The following MAF variants were observed in gnomAD, a reference collection of about 807,000 sequenced individuals.
MAF encodes the protein transcription factor Maf.
A neutral mutation model predicts 22.0 loss-of-function variants in MAF; 10 were observed. The ratio of observed to expected loss-of-function variants is 0.45; its 90% CI spans 0.28 to 0.77. The LOEUF (loss-of-function observed/expected upper bound fraction) is 0.77, where lower values mean the gene tolerates loss of function less well. MAF is among the 30% of genes least tolerant of loss of function. The probability of loss-of-function intolerance (pLI) is 0.12; values close to 1 mark genes in which losing one functional copy is unlikely to be tolerated. For missense variants in MAF, 544 were observed against 548.4 expected (o/e 0.99, Z 0.08); for synonymous variants, 337 against 255.8 (o/e 1.32, Z -3.03).
the MAF span, among the ~76,000 whole-genome samples, chr16:79,236,875 C>T: frequency 0.025 from 3,740 of 150,322 alleles, 94 homozygotes; most frequent in Non-Finnish European, 0.035. Context: ...AGGGAGCATG[C>T]GAGGACATTT....
the MAF span, among the ~76,000 whole-genome samples, chr16:79,244,583 GA>G: frequency 1.3e-5 from 2 of 152,044 alleles, no homozygotes; most frequent in African/African-American, 4.8e-5. Context: ...CAAACAAATG[GA>G]AAAATATTCC....
chr16:79,544,015 G>A, the MAF span, among the ~76,000 whole-genome samples: 1 of 152,146 alleles, frequency 6.6e-6, no homozygotes, highest in Admixed American at 6.5e-5. Context: ...CCAAGGTAGA[G>A]AGACAGACAC....
At chr16:79,396,292 G>A in the MAF span, among the ~76,000 whole-genome samples, 1 of 152,170 alleles carries the variant, frequency 6.6e-6, no homozygotes, top group Non-Finnish European at 1.5e-5. Flanking sequence ...GTGAGTCACT[G>A]CAGCTTTTAA....
chr16:79,599,306 C>A lies in MAF; in HGVS notation c.597G>T (p.Ala199=). The change falls in exon 1 of 2, where the codon GCG becomes GCT. Residue 199 remains alanine (A), a synonymous_variant. Transcript: ENST00000326043. ...CGGCCGCGCTGCCCGCGGCGCCGGG[C>A]GCGCCGGCCGTCGGGTGGTGGTGGT... ...AGHHHHPTAG[A]PGAAGSAAAS... 2.0e-6 allele frequency: 2 copies of A among 981,040 alleles called. No homozygotes were observed. Among genetic ancestry groups the A allele is most frequent in the Non-Finnish European group, 2.4e-6 (2 of 828,874 alleles). The allele number at this position is 981,040 out of a possible 1,614,324, so 60.8% of individuals were successfully genotyped here.
At chr16:79,272,156 G>A in the MAF span, among the ~76,000 whole-genome samples, 1 of 152,218 alleles carries the variant, frequency 6.6e-6, no homozygotes, top group African/African-American at 2.4e-5. Context: ...CGTCTCTGAT[G>A]AAAACGTTCA....
chr16:79,236,159 G>A, the MAF span, among the ~76,000 whole-genome samples: 3 of 152,082 alleles, frequency 2.0e-5, no homozygotes, highest in Non-Finnish European at 4.4e-5. Flanking sequence ...CTTCCAAACA[G>A]AATTGCTTCC....
chr16:79,454,836 C>A, the MAF span, among the ~76,000 whole-genome samples: 1 of 152,182 alleles, frequency 6.6e-6, no homozygotes, highest in African/African-American at 2.4e-5. Flanking sequence ...ACTCCTCATG[C>A]CTGTAATCCC....
chr16:79,288,411 C>A, the MAF span, among the ~76,000 whole-genome samples: 2 of 152,156 alleles, frequency 1.3e-5, no homozygotes, highest in African/African-American at 4.8e-5. Context: ...GAGGTCCAAG[C>A]TGCTACGTGG....
the MAF span, among the ~76,000 whole-genome samples, chr16:79,429,435 C>T: frequency 2.6e-5 from 4 of 152,168 alleles, no homozygotes; most frequent in African/African-American, 9.7e-5. Flanking sequence ...GGCAGGAGAC[C>T]TCCCCTCTGA....
the MAF span, among the ~76,000 whole-genome samples, chr16:79,506,661 G>T: frequency 2.0e-5 from 3 of 152,208 alleles, no homozygotes; most frequent in African/African-American, 7.2e-5. Flanking sequence ...GGGCTGGATG[G>T]AACTGTGTTG....
chr16:79,269,198 G>A, the MAF span, among the ~76,000 whole-genome samples: 21 of 152,250 alleles, frequency 1.4e-4, no homozygotes, highest in African/African-American at 5.1e-4. Flanking sequence ...AGAGTCCAAC[G>A]TGGAATGGAA....
the MAF span, among the ~76,000 whole-genome samples, chr16:79,517,555 T>C: frequency 6.7e-6 from 1 of 148,960 alleles, no homozygotes; most frequent in Non-Finnish European, 1.5e-5. Context: ...AGGTTTTGAG[T>C]GGACTGTTTA....
At chr16:79,394,410 G>A in the MAF span, among the ~76,000 whole-genome samples, 1 of 152,066 alleles carries the variant, frequency 6.6e-6, no homozygotes, top group African/African-American at 2.4e-5. Context: ...GGCCAAATTG[G>A]TTCCTCCCTC....
chr16:79,445,235 G>A, the MAF span, among the ~76,000 whole-genome samples: 14 of 151,552 alleles, frequency 9.2e-5, no homozygotes, highest in African/African-American at 3.4e-4. Flanking sequence ...AGTAGAGATG[G>A]GGTTTCACCA....
chr16:79,327,117 G>A, the MAF span, among the ~76,000 whole-genome samples: 1 of 152,220 alleles, frequency 6.6e-6, no homozygotes, highest in Non-Finnish European at 1.5e-5. Context: ...AAATCTCTGG[G>A]TGTGAAGCAA....
At chr16:79,572,005 G>C in the MAF span, among the ~76,000 whole-genome samples, 2 of 152,120 alleles carry the variant, frequency 1.3e-5, no homozygotes, top group South Asian at 4.1e-4. Flanking sequence ...GACTGCATTG[G>C]TGTATTTTAA....
the MAF span, among the ~76,000 whole-genome samples, chr16:79,492,368 A>G: frequency 6.6e-6 from 1 of 152,168 alleles, no homozygotes; most frequent in Non-Finnish European, 1.5e-5. Flanking sequence ...AAAACAATCC[A>G]TGATGTGCAA....
At chr16:79,233,415 G>C in the MAF span, among the ~76,000 whole-genome samples, 83 of 152,164 alleles carry the variant, frequency 5.5e-4, no homozygotes, top group African/African-American at 1.9e-3. Context: ...TGGACGCTAA[G>C]TGATAGCCCT....
At chr16:79,321,886 T>G in the MAF span, among the ~76,000 whole-genome samples, 2 of 151,940 alleles carry the variant, frequency 1.3e-5, no homozygotes, top group Non-Finnish European at 2.9e-5. Flanking sequence ...GAGAAAGCAG[T>G]AGAGACCAAG....
Sources: allele counts gnomAD v4.1 joint callset (sites outside exome capture counted in the v4.1 genomes callset), GRCh38; gene constraint gnomAD v4.1.1; transcripts MANE v1.5; gene names NCBI Gene and HGNC (gene_info 2026-07-23, HGNC 2026-07-21).